Variants in MDGA2 observed in about 807,000 individuals in gnomAD.
MDGA2 encodes the protein MAM domain containing glycosylphosphatidylinositol anchor 2.
A neutral mutation model predicts 117.8 loss-of-function variants in MDGA2; 40 were observed. The ratio of observed to expected loss-of-function variants is 0.34; its 90% confidence interval spans 0.26 to 0.44. The LOEUF (loss-of-function observed/expected upper bound fraction) is 0.44. MDGA2 is among the 20% of genes least tolerant of loss of function. The probability of loss-of-function intolerance (pLI) is 1.00; values close to 1 mark genes in which losing one functional copy is unlikely to be tolerated. For missense variants in MDGA2, 1,123 were observed against 1,250.6 expected, an observed-to-expected ratio of 0.90 and a Z score of 1.54; for synonymous variants, 452 against 439.0, an observed-to-expected ratio of 1.03 and a Z score of -0.37.
chr14:47,259,771 T>G (rs1390254090), intron 2 of MDGA2, among the ~76,000 whole-genome samples: 1 of 152,032 alleles, frequency 6.6e-6, no homozygotes, highest in African/African-American at 2.4e-5. Flanking sequence ...TGAATTTTGC[T>G]AACTATGGAA....
At chr14:47,489,703 A>C (rs1002366600) in intron 1 of MDGA2, among the ~76,000 whole-genome samples, 1 of 152,110 alleles carries the variant, frequency 6.6e-6, no homozygotes, top group African/African-American at 2.4e-5. Context: ...ACCATCTTAT[A>C]AAGGGAAAAT....
intron 8 of MDGA2, among the ~76,000 whole-genome samples, chr14:46,971,319 T>C (rs1886254443): frequency 6.6e-6 from 1 of 152,176 alleles, no homozygotes; most frequent in African/African-American, 2.4e-5. Flanking sequence ...AACCTATGTG[T>C]CCACCAATGG....
At chr14:47,289,758 T>C (rs1888816321) in intron 2 of MDGA2, among the ~76,000 whole-genome samples, 1 of 152,182 alleles carries the variant, frequency 6.6e-6, no homozygotes, top group Non-Finnish European at 1.5e-5. Context: ...TCATATCAAC[T>C]CTTGTAGTAA....
At chr14:47,655,350 A>G (rs1294958347) in intron 1 of MDGA2, among the ~76,000 whole-genome samples, 2 of 152,202 alleles carry the variant, frequency 1.3e-5, no homozygotes, top group African/African-American at 2.4e-5. Context: ...CGCATCTTCC[A>G]TCCTGACCCA....
At chr14:47,585,227 C>T (rs1415432478) in intron 1 of MDGA2, among the ~76,000 whole-genome samples, 7 of 151,752 alleles carry the variant, frequency 4.6e-5, no homozygotes, top group African/African-American at 1.7e-4. Context: ...CTGTAGGAAA[C>T]AAAAATATAT....
intron 1 of MDGA2, among the ~76,000 whole-genome samples, chr14:47,635,307 A>T (rs1364938940): frequency 6.6e-6 from 1 of 152,154 alleles, no homozygotes; most frequent in East Asian, 1.9e-4. Context: ...TTCATCACTA[A>T]TAAAATCAGA....
intron 3 of MDGA2, among the ~76,000 whole-genome samples, chr14:47,167,319 C>T (rs1883925280): frequency 6.6e-6 from 1 of 152,242 alleles, no homozygotes; most frequent in Non-Finnish European, 1.5e-5. Context: ...GATCTTTGCT[C>T]TTCTCATAAA....
chr14:47,505,085 G>C (rs1397221620), intron 1 of MDGA2, among the ~76,000 whole-genome samples: 1 of 152,080 alleles, frequency 6.6e-6, no homozygotes, highest in East Asian at 1.9e-4. Flanking sequence ...AAGTAAAATA[G>C]TAAAATAAGC....
chr14:47,225,831 A>C (rs965939604), intron 2 of MDGA2, among the ~76,000 whole-genome samples: 5 of 151,784 alleles, frequency 3.3e-5, no homozygotes, highest in South Asian at 2.1e-4. Flanking sequence ...ATAAAAAAAA[A>C]CCATTTCTCT....
At chr14:47,134,552 T>C (rs1370285466) in intron 4 of MDGA2, among the ~76,000 whole-genome samples, 1 of 151,612 alleles carries the variant, frequency 6.6e-6, no homozygotes, top group Non-Finnish European at 1.5e-5. Flanking sequence ...AAATTTGAAC[T>C]GAAGACAAAT....
chr14:47,304,289 C>A (rs1889372046), intron 1 of MDGA2, among the ~76,000 whole-genome samples: 1 of 152,162 alleles, frequency 6.6e-6, no homozygotes, highest in South Asian at 2.1e-4. Context: ...CATCAAATGA[C>A]TTTGTCACAA....
intron 1 of MDGA2, among the ~76,000 whole-genome samples, chr14:47,314,252 T>G (rs1261688791): frequency 6.6e-6 from 1 of 152,180 alleles, no homozygotes; most frequent in African/African-American, 2.4e-5. Context: ...AATGGAACCA[T>G]GTCCCACCCA....
At chr14:47,632,456 A>G (rs1897259000) in intron 1 of MDGA2, among the ~76,000 whole-genome samples, 1 of 152,230 alleles carries the variant, frequency 6.6e-6, no homozygotes, top group South Asian at 2.1e-4. Flanking sequence ...AGTTTTGTTC[A>G]TTCCCTCTAC....
intron 2 of MDGA2, among the ~76,000 whole-genome samples, chr14:47,295,053 T>C (rs1052056163): frequency 3.3e-5 from 5 of 152,226 alleles, no homozygotes; most frequent in African/African-American, 1.2e-4. Flanking sequence ...TGTAATAAAC[T>C]ACTAGACAAT....
In MDGA2 at chr14:47,086,260, AAAG is replaced by A. The variant is rs1274303322; in HGVS notation, c.1195+10591_1195+10593del. 4.6e-5 allele frequency among the ~76,000 whole-genome samples: 7 copies of A among 152,038 alleles called. No homozygotes were observed. The South Asian group carries it at 6.2e-4, about 13-fold the overall frequency. The stretch of plus-strand genomic sequence containing the variant: ...TATATTTGTTGAGCCAACAAAGTAA[AAAG>A]AAGAAGAGAAGATTCTTTGAAAACT... On this transcript the variant is annotated intron_variant, in intron 6 of 16. Coordinates refer to ENST00000399232, the MANE Select transcript of MDGA2 (RefSeq NM_001113498.3).
chr14:46,842,078 G>C, intron 16 of MDGA2, 59 bp from the exon 17 acceptor site: 2 of 1,067,452 alleles, frequency 1.9e-6, no homozygotes, highest in Non-Finnish European at 2.9e-6. Context: ...ATTCCACGTA[G>C]CTACTAACAC....
chr14:47,185,299 A>T (rs1207748713), intron 3 of MDGA2, among the ~76,000 whole-genome samples: 1 of 151,410 alleles, frequency 6.6e-6, no homozygotes, highest in Non-Finnish European at 1.5e-5. Context: ...ATTATTCTGG[A>T]AAAAATGAAA....
intron 1 of MDGA2, among the ~76,000 whole-genome samples, chr14:47,376,139 C>T (rs190553501): frequency 1.3e-5 from 2 of 152,238 alleles, no homozygotes; most frequent in Admixed American, 1.3e-4. Flanking sequence ...TGTCCCAAAG[C>T]ATGTTCATCA....
At chr14:46,998,613 C>T (rs955423035) in intron 8 of MDGA2, among the ~76,000 whole-genome samples, 18 of 152,076 alleles carry the variant, frequency 1.2e-4, no homozygotes, top group African/African-American at 3.9e-4. Flanking sequence ...GTCTGATACT[C>T]GTACAAAATT....
Sources: gnomAD v4.1 joint callset for allele counts (sites outside exome capture counted in the v4.1 genomes callset) on GRCh38, gnomAD v4.1.1 for gene constraint, MANE v1.5 for transcripts, NCBI Gene and HGNC (gene_info 2026-07-23, HGNC 2026-07-21) for gene names.